Variants in CDH18 observed in about 807,000 individuals in gnomAD.
CDH18 encodes the protein cadherin-18.
Under a neutral mutation model 67.9 loss-of-function variants are expected in CDH18, and 31 were observed. That is an observed-to-expected ratio of 0.46 (90% CI 0.34 to 0.62). CDH18 has a LOEUF of 0.62. Ranked by LOEUF, CDH18 falls within the 20% of genes least tolerant of loss-of-function variation. The pLI is 0.01. For synonymous variants in CDH18, 362 were observed against 347.2 expected, an observed-to-expected ratio of 1.04 and a Z score of -0.48; for missense variants, 890 against 975.5, an observed-to-expected ratio of 0.91 and a Z score of 1.17.
chr5:19,560,153 G>GA (rs34333642), intron 8 of CDH18, among the ~76,000 whole-genome samples: 15,060 of 151,452 alleles, frequency 0.099, 1,043 homozygotes, highest in African/African-American at 0.19. Context: ...CACAAAACTA[G>GA]AAAAAAAATC....
chr5:20,527,272 G>A (rs556093375), intron 1 of CDH18, among the ~76,000 whole-genome samples: 2 of 152,088 alleles, frequency 1.3e-5, no homozygotes, highest in African/African-American at 4.8e-5. Flanking sequence ...TAAAAAGACT[G>A]AATCTGTGAT....
intron 1 of CDH18, among the ~76,000 whole-genome samples, chr5:20,294,697 T>A (rs1270125992): frequency 6.6e-6 from 1 of 152,230 alleles, no homozygotes; most frequent in Non-Finnish European, 1.5e-5. Context: ...CTTAAGGTTT[T>A]CTACAGTACA....
At chr5:19,551,716 G>C (rs1737486130) in intron 8 of CDH18, among the ~76,000 whole-genome samples, 1 of 152,106 alleles carries the variant, frequency 6.6e-6, no homozygotes. Flanking sequence ...TAGATTGTAA[G>C]TACTGGTTGT....
chr5:20,309,662 G>C lies in CDH18; in HGVS notation c.-579-54157C>G, dbSNP rs534911208. Among the ~76,000 whole-genome samples the C allele has an allele frequency of 3.9e-5, 6 of 152,266 alleles. No individual in the cohort carries two copies. The South Asian group carries it at 1.2e-3, about 31-fold the overall frequency. On this transcript the variant is annotated intron_variant, in intron 1 of 14. Coordinates refer to the CDH18 transcript ENST00000507958. ...ATCACTACATAATGGACATGTGACAGATTTTAGCGGAGCATAAATATCTCC... is the reference window on the plus strand; with the variant it reads ...ATCACTACATAATGGACATGTGACACATTTTAGCGGAGCATAAATATCTCC...
intron 1 of CDH18, among the ~76,000 whole-genome samples, chr5:20,499,243 A>G (rs1226154230): frequency 6.6e-6 from 1 of 152,142 alleles, no homozygotes; most frequent in Non-Finnish European, 1.5e-5. Flanking sequence ...GTATTCGCAT[A>G]CAAGCTAAGC....
At chr5:20,220,164 A>T (rs1028624846) in intron 2 of CDH18, among the ~76,000 whole-genome samples, 1 of 152,068 alleles carries the variant, frequency 6.6e-6, no homozygotes, top group South Asian at 2.1e-4. Context: ...AAAATAGCCA[A>T]AGCTATTCTG....
At position 19,473,026 on chromosome 5, in the gene CDH18, T is replaced by G; in HGVS notation, c.*200A>C. ...AAGGAACAATAACTTTTTCTTTGTA[T>G]TGTCTTTTTTTTTTTTTTTTTACTT... On this transcript the variant is annotated 3_prime_UTR_variant, in exon 13 of 13. Coordinates refer to ENST00000382275, the MANE Select transcript of CDH18 (RefSeq NM_004934.5). 3 of 534,722 alleles carry G rather than the reference T, an allele frequency of 5.6e-6. No individual in the cohort carries two copies. The highest frequency in any genetic ancestry group is 3.2e-6 in the Non-Finnish European group (1 of 317,374). 33.1% of individuals were successfully genotyped at this position (534,722 alleles called of 1,614,324 possible). A position where few individuals can be genotyped will look rare whatever the true frequency, so the allele number is the denominator to read the frequency against.
At chr5:20,366,487 T>C (rs1742529212) in intron 1 of CDH18, among the ~76,000 whole-genome samples, 1 of 152,214 alleles carries the variant, frequency 6.6e-6, no homozygotes, top group Non-Finnish European at 1.5e-5. Context: ...TTCCACAACA[T>C]GTACTTCACT....
chr5:19,697,682 T>C (rs1238748191), intron 5 of CDH18, among the ~76,000 whole-genome samples: 4 of 152,176 alleles, frequency 2.6e-5, no homozygotes, highest in Non-Finnish European at 4.4e-5. Context: ...GAAAGTTTAA[T>C]ATTTCTGGAA....
intron 2 of CDH18, among the ~76,000 whole-genome samples, chr5:19,931,003 A>G (rs1306592890): frequency 6.6e-6 from 1 of 151,996 alleles, no homozygotes; most frequent in African/African-American, 2.4e-5. Flanking sequence ...TGATTTAGAT[A>G]TATGTTACAT....
chr5:20,180,524 C>T (rs1014605451), intron 2 of CDH18, among the ~76,000 whole-genome samples: 1 of 152,130 alleles, frequency 6.6e-6, no homozygotes, highest in African/African-American at 2.4e-5. Flanking sequence ...ATTGTAAATT[C>T]TTATCTCTGT....
chr5:20,361,875 C>T (rs974265964), intron 1 of CDH18, among the ~76,000 whole-genome samples: 3 of 151,966 alleles, frequency 2.0e-5, no homozygotes, highest in Non-Finnish European at 2.9e-5. Context: ...ATAGTATATG[C>T]TCAATAAATA....
At chr5:20,504,972 T>C (rs905961111) in intron 1 of CDH18, among the ~76,000 whole-genome samples, 1 of 152,018 alleles carries the variant, frequency 6.6e-6, no homozygotes, top group Non-Finnish European at 1.5e-5. Context: ...TTTCACTGTG[T>C]TAGCCAGGAT....
In CDH18 at chr5:20,351,160, T is replaced by TTGTGTGTGTGTGTGTG. The variant is rs375375615; in HGVS notation, c.-579-95671_-579-95656dup. Among the ~76,000 whole-genome samples the TTGTGTGTGTGTGTGTG allele has an allele frequency of 2.0e-3, 259 of 132,152 alleles. 1 individual carries two copies. Among genetic ancestry groups the TTGTGTGTGTGTGTGTG allele is most frequent in the African/African-American group, 6.5e-3 (242 of 37,360 alleles). 86.7% of individuals were successfully genotyped at this position (132,152 alleles called of 152,430 possible). On this transcript the variant is annotated intron_variant, in intron 1 of 14. Transcript: ENST00000507958. ...CCTGCTCCAAACATAGTAAATGTATTTGTGTGTGTGTGTGTGTGTGTGTGT... is the reference window on the plus strand; with the variant it reads ...CCTGCTCCAAACATAGTAAATGTATTTGTGTGTGTGTGTGTGTGTGTGTGTGTGTGTGTGTGTGTGT...
chr5:20,540,640 T>C (rs1328152622), intron 1 of CDH18, among the ~76,000 whole-genome samples: 1 of 152,174 alleles, frequency 6.6e-6, no homozygotes, highest in Admixed American at 6.6e-5. Flanking sequence ...ATCTGACATA[T>C]TGGTAGCACA....
intron 10 of CDH18, among the ~76,000 whole-genome samples, chr5:19,508,622 T>G (rs1262570870): frequency 6.6e-6 from 1 of 152,112 alleles, no homozygotes; most frequent in Non-Finnish European, 1.5e-5. Flanking sequence ...GGGAGTATTT[T>G]TGATATCTAC....
chr5:20,383,024 C>A (rs955977126), intron 1 of CDH18, among the ~76,000 whole-genome samples: 19 of 152,014 alleles, frequency 1.2e-4, no homozygotes, highest in Admixed American at 2.6e-4. Flanking sequence ...TTGTATTTGC[C>A]TTACCTGCCG....
At chr5:19,596,523 T>C (rs1347222073) in intron 6 of CDH18, among the ~76,000 whole-genome samples, 1 of 152,100 alleles carries the variant, frequency 6.6e-6, no homozygotes, top group Non-Finnish European at 1.5e-5. Context: ...ACTAGGATGG[T>C]AACACTAGAA....
intron 1 of CDH18, among the ~76,000 whole-genome samples, chr5:20,321,096 CT>C (rs1352661903): frequency 2.6e-5 from 4 of 152,102 alleles, no homozygotes; most frequent in African/African-American, 9.7e-5. Flanking sequence ...ACAAAACATA[CT>C]TTACAGATTT....
Sources: allele counts gnomAD v4.1 joint callset (sites outside exome capture counted in the v4.1 genomes callset), GRCh38; gene constraint gnomAD v4.1.1; transcripts MANE v1.5; gene names NCBI Gene and HGNC (gene_info 2026-07-23, HGNC 2026-07-21).